Variants in SORCS3 observed in about 807,000 individuals in gnomAD.
SORCS3 encodes the protein VPS10 domain-containing receptor SorCS3.
A neutral mutation model predicts 146.3 loss-of-function variants in SORCS3; 57 were observed. The ratio of observed to expected loss-of-function variants is 0.39; its 90% confidence interval spans 0.31 to 0.49. SORCS3 has a LOEUF of 0.49. Among genes scored for constraint, SORCS3 ranks in the 20% least tolerant of loss-of-function variants. SORCS3 has a pLI of 0.92. For missense variants in SORCS3, 1,341 were observed against 1,575.5 expected (o/e 0.85, Z 2.52); for synonymous variants, 653 against 618.5 (o/e 1.06, Z -0.83).
Position 105,098,524 on chromosome 10 carries a change from A to G in SORCS3, c.1094-6873A>G, listed in dbSNP as rs547766383. ...ATGTTTAAAATACGTAAAGGTTAGAATCACAGGTACTGGTGTAAAATCACC... is the reference window on the plus strand; with the variant it reads ...ATGTTTAAAATACGTAAAGGTTAGAGTCACAGGTACTGGTGTAAAATCACC... On this transcript the variant is annotated intron_variant, in intron 6 of 26. Transcript: ENST00000369701. 2.0e-5 allele frequency among the ~76,000 whole-genome samples: 3 copies of G among 152,310 alleles called. No individual in the cohort carries two copies. In the South Asian group the frequency reaches 6.2e-4, roughly 32 times the overall value.
chr10:104,838,886 A>G (rs1482748334), intron 1 of SORCS3, among the ~76,000 whole-genome samples: 1 of 152,192 alleles, frequency 6.6e-6, no homozygotes, highest in African/African-American at 2.4e-5. Context: ...CAGGCTCCCC[A>G]GTGGCTCTTA....
At chr10:104,754,339 G>T (rs1437512581) in intron 1 of SORCS3, among the ~76,000 whole-genome samples, 1 of 152,150 alleles carries the variant, frequency 6.6e-6, no homozygotes, top group Admixed American at 6.6e-5. Flanking sequence ...AGGGCCTCCA[G>T]AATCTCTCCA....
intron 3 of SORCS3, among the ~76,000 whole-genome samples, chr10:104,959,313 G>A (rs2054778004): frequency 6.6e-6 from 1 of 152,044 alleles, no homozygotes; most frequent in South Asian, 2.1e-4. Flanking sequence ...CAGTGTGAGG[G>A]TATTTGGATG....
intron 4 of SORCS3, among the ~76,000 whole-genome samples, chr10:104,985,708 T>A (rs548872774): frequency 2.3e-4 from 35 of 152,320 alleles, no homozygotes; most frequent in African/African-American, 7.9e-4. Flanking sequence ...CAGTGGATAT[T>A]GTGTTAACAG....
rs147519632 is a variant in SORCS3, at chr10:105,004,319, C to T, written c.954+26826C>T. On this transcript the variant is annotated intron_variant, in intron 4 of 26. Coordinates refer to ENST00000369701, the MANE Select transcript of SORCS3 (RefSeq NM_014978.3). ...AAGAACTGAGTGAAGGGACTCTCTA[C>T]GGAGGGATGTGCAGGGTTTAAGGAA... Among the ~76,000 whole-genome samples, 367 of 152,216 alleles carry T rather than the reference C, an allele frequency of 2.4e-3. 2 individuals are homozygous for T. Among genetic ancestry groups the T allele is most frequent in the African/African-American group, 7.4e-3 (307 of 41,536 alleles).
chr10:104,780,074 G>T (rs1352716339), intron 1 of SORCS3, among the ~76,000 whole-genome samples: 2 of 151,878 alleles, frequency 1.3e-5, no homozygotes, highest in African/African-American at 4.8e-5. Flanking sequence ...GTGACGGGTG[G>T]TACAAATAAT....
chr10:104,821,560 A>G (rs2017873447), intron 1 of SORCS3, among the ~76,000 whole-genome samples: 1 of 152,206 alleles, frequency 6.6e-6, no homozygotes, highest in South Asian at 2.1e-4. Flanking sequence ...AGAAGACCAA[A>G]GCATTCAGCA....
At chr10:105,114,697 C>A (rs990793758) in intron 7 of SORCS3, among the ~76,000 whole-genome samples, 2 of 152,154 alleles carry the variant, frequency 1.3e-5, no homozygotes, top group Non-Finnish European at 2.9e-5. Context: ...ACTCCCTGAA[C>A]CTTTGTAAAG....
At chr10:104,737,296 T>C (rs1249236329) in intron 1 of SORCS3, among the ~76,000 whole-genome samples, 1 of 152,052 alleles carries the variant, frequency 6.6e-6, no homozygotes. Flanking sequence ...ATATACCCAG[T>C]AATGGGATGG....
chr10:104,762,439 C>G (rs1205734404), intron 1 of SORCS3, among the ~76,000 whole-genome samples: 1 of 152,214 alleles, frequency 6.6e-6, no homozygotes, highest in East Asian at 1.9e-4. Context: ...CTGCGGCATA[C>G]TACTGCGTGG....
At chr10:104,730,296 G>A (rs2016691135) in intron 1 of SORCS3, among the ~76,000 whole-genome samples, 1 of 150,352 alleles carries the variant, frequency 6.7e-6, no homozygotes, top group South Asian at 2.1e-4. Context: ...GAGGCTCAAG[G>A]AATATGTGCC....
At chr10:105,040,979 G>A (rs753161830) in intron 4 of SORCS3, among the ~76,000 whole-genome samples, 6 of 146,268 alleles carry the variant, frequency 4.1e-5, no homozygotes, top group Admixed American at 1.4e-4. Flanking sequence ...TATATATTTA[G>A]CATATATAAA....
At chr10:105,133,741 T>G (rs1289726399) in intron 7 of SORCS3, among the ~76,000 whole-genome samples, 1 of 151,988 alleles carries the variant, frequency 6.6e-6, no homozygotes, top group East Asian at 1.9e-4. Context: ...AGGAGTGGCT[T>G]TGGTCACTTT....
chr10:104,945,240 T>A (rs1025050048), intron 3 of SORCS3, among the ~76,000 whole-genome samples: 1 of 123,000 alleles, frequency 8.1e-6, no homozygotes, highest in African/African-American at 2.8e-5. Flanking sequence ...AATTTTCTGT[T>A]TTGTTTTGTT....
intron 3 of SORCS3, among the ~76,000 whole-genome samples, chr10:104,936,965 C>T (rs2019266229): frequency 6.6e-6 from 1 of 152,152 alleles, no homozygotes; most frequent in South Asian, 2.1e-4. Context: ...GACTAGGCTT[C>T]AAAACAGTGG....
Position 105,252,923 on chromosome 10 carries a change from C to A in SORCS3, c.3237+17C>A. 1 of 1,613,166 alleles carries A rather than the reference C, an allele frequency of 6.2e-7. No homozygotes were observed. Among genetic ancestry groups the A allele is most frequent in the Admixed American group, 1.7e-5 (1 of 59,900 alleles). On this transcript the variant is annotated intron_variant, in intron 23 of 26. Coordinates refer to ENST00000369701, the MANE Select transcript of SORCS3 (RefSeq NM_014978.3). ...CTGGAACAAGTAAGTGAAAGTAAATCTGGCTGGGACCCTTGCCTGCACCCT... is the reference window on the plus strand; with the variant it reads ...CTGGAACAAGTAAGTGAAAGTAAATATGGCTGGGACCCTTGCCTGCACCCT...
chr10:105,262,830 T>A (rs1179408419), intron 26 of SORCS3, among the ~76,000 whole-genome samples: 2 of 152,242 alleles, frequency 1.3e-5, no homozygotes, highest in Non-Finnish European at 2.9e-5. Flanking sequence ...TGGCATCAGA[T>A]AGCCCTGGAT....
In SORCS3 at chr10:105,240,099, C is replaced by A. The variant is rs929061238; in HGVS notation, c.2869-5443C>A. On this transcript the variant is annotated intron_variant, in intron 20 of 26. Transcript: ENST00000369701. ...ATACTCTCTTACTTCAGATGGCATT[C>A]CCTTTGCCCTGCATCCCTGCACCCT... Among the ~76,000 whole-genome samples the A allele has an allele frequency of 2.6e-5, 4 of 152,194 alleles. No individual in the cohort carries two copies. The South Asian group carries it at 8.3e-4, about 31-fold the overall frequency.
intron 4 of SORCS3, among the ~76,000 whole-genome samples, chr10:105,038,861 C>G (rs1015349374): frequency 2.6e-5 from 4 of 152,010 alleles, no homozygotes; most frequent in African/African-American, 7.2e-5. Flanking sequence ...TGTTTTATTT[C>G]TATTTTAATG....
Sources: allele counts gnomAD v4.1 joint callset (sites outside exome capture counted in the v4.1 genomes callset), GRCh38; gene constraint gnomAD v4.1.1; transcripts MANE v1.5; gene names NCBI Gene and HGNC (gene_info 2026-07-23, HGNC 2026-07-21).